PHACTR3: variants seen among roughly 807,000 people sequenced by gnomAD.
PHACTR3 encodes phosphatase and actin regulator 3, also known as protein phosphatase 1, regulatory subunit 123.
A neutral mutation model predicts 66.8 loss-of-function variants in PHACTR3; 16 were observed. The observed-to-expected ratio is 0.24, with a 90% CI of 0.16 to 0.36. The LOEUF is 0.36. Ranked by LOEUF, PHACTR3 falls within the 10% of genes least tolerant of loss-of-function variation. The probability of loss-of-function intolerance (pLI) is 1.00; values close to 1 mark genes in which losing one functional copy is unlikely to be tolerated. For missense variants in PHACTR3, 647 were observed against 719.9 expected (o/e 0.90, Z 1.16); for synonymous variants, 323 against 292.1 (o/e 1.11, Z -1.08).
intron 8 of PHACTR3, among the ~76,000 whole-genome samples, chr20:59,833,410 A>G (rs2042443300): frequency 6.6e-6 from 1 of 152,260 alleles, no homozygotes; most frequent in Non-Finnish European, 1.5e-5. Context: ...GGCAAGTCAC[A>G]GGTTGGGTTT....
intron 1 of PHACTR3, among the ~76,000 whole-genome samples, chr20:59,653,815 C>T (rs2035533151): frequency 1.3e-5 from 2 of 152,102 alleles, no homozygotes; most frequent in Non-Finnish European, 2.9e-5. Flanking sequence ...ATTCTTTGCT[C>T]TTAAAATATC....
rs139189993 is a variant in PHACTR3 at position 59,811,349 on chromosome 20, C to T, written c.1328+5155C>T. Among the ~76,000 whole-genome samples the T allele has an allele frequency of 1.9e-3, 296 of 152,342 alleles. 2 individuals are homozygous for T. Among genetic ancestry groups the T allele is most frequent in the African/African-American group, 6.4e-3 (266 of 41,572 alleles). On this transcript the variant is annotated intron_variant, in intron 8 of 12. Coordinates refer to ENST00000371015, the MANE Select transcript of PHACTR3 (RefSeq NM_080672.5). ...CAGGTGTCTCGGGCAAAGGACTTCA[C>T]ACTTGCTCTAAAGCAGTGCAGAATG...
intron 2 of PHACTR3, among the ~76,000 whole-genome samples, chr20:59,745,481 C>T (rs1306177747): frequency 1.3e-5 from 2 of 152,090 alleles, no homozygotes; most frequent in Non-Finnish European, 2.9e-5. Context: ...CCTTCAGGAC[C>T]GCCATTCGGG....
intron 7 of PHACTR3, among the ~76,000 whole-genome samples, chr20:59,777,130 C>T (rs2040566145): frequency 6.6e-6 from 1 of 152,200 alleles, no homozygotes; most frequent in Non-Finnish European, 1.5e-5. Context: ...GCCTGAGAAT[C>T]CCAGCCCTGC....
chr20:59,630,504 A>C (rs2034624127), intron 1 of PHACTR3, among the ~76,000 whole-genome samples: 1 of 152,234 alleles, frequency 6.6e-6, no homozygotes, highest in Admixed American at 6.5e-5. Flanking sequence ...TCATTAGAAA[A>C]ATATTGCATT....
intron 1 of PHACTR3, among the ~76,000 whole-genome samples, chr20:59,582,217 T>C (rs2032883393): frequency 6.6e-6 from 1 of 152,202 alleles, no homozygotes; most frequent in Non-Finnish European, 1.5e-5. Flanking sequence ...TTTAAAGAAA[T>C]GGCATCACAC....
At chr20:59,629,937 G>A (rs1348989538) in intron 1 of PHACTR3, among the ~76,000 whole-genome samples, 2 of 152,084 alleles carry the variant, frequency 1.3e-5, no homozygotes, top group Admixed American at 1.3e-4. Flanking sequence ...GGGGTTCTAG[G>A]CAGCCAAGGG....
At chr20:59,686,384 G>A (rs1271410983) in intron 1 of PHACTR3, among the ~76,000 whole-genome samples, 1 of 152,194 alleles carries the variant, frequency 6.6e-6, no homozygotes, top group African/African-American at 2.4e-5. Context: ...TAGAGTTGGA[G>A]GGAGGATTAA....
intron 8 of PHACTR3, among the ~76,000 whole-genome samples, chr20:59,807,891 C>T (rs1408618048): frequency 6.6e-6 from 1 of 152,198 alleles, no homozygotes; most frequent in Admixed American, 6.5e-5. Flanking sequence ...ACAATATGTG[C>T]ACCAAGTCCA....
In PHACTR3 at chr20:59,673,671, G is replaced by A. The variant is rs551247621; in HGVS notation, c.118+68539G>A. Among the ~76,000 whole-genome samples the A allele has an allele frequency of 1.6e-4, 24 of 152,286 alleles. 2 individuals are homozygous for A. Among genetic ancestry groups the A allele is most frequent in the Admixed American group, 7.2e-4 (11 of 15,308 alleles). On this transcript the variant is annotated intron_variant, in intron 1 of 12. Coordinates refer to ENST00000371015, the MANE Select transcript of PHACTR3 (RefSeq NM_080672.5). ...GGCCCCAGGATTCCGACTTGTACCC[G>A]GGCTTGCTTGGTGCTGTCTTGGGAC...
chr20:59,635,149 T>TTCTTTCC (rs1555881160), intron 1 of PHACTR3, among the ~76,000 whole-genome samples: 3,631 of 60,026 alleles, frequency 0.06, 173 homozygotes, highest in Middle Eastern at 0.13. Flanking sequence ...CTTTCTTTCT[T>TTCTTTCC]TTTCTTTCTT....
At chr20:59,634,390 A>G (rs1199914490) in intron 1 of PHACTR3, among the ~76,000 whole-genome samples, 2 of 152,220 alleles carry the variant, frequency 1.3e-5, no homozygotes, top group East Asian at 1.9e-4. Context: ...TGAAGATTCA[A>G]TGAGAAAATG....
At chr20:59,806,380 C>CGTGCATGCTCA (rs1379882498) in intron 8 of PHACTR3, among the ~76,000 whole-genome samples, 186 bp downstream of exon 8, 1 of 152,192 alleles carries the variant, frequency 6.6e-6, no homozygotes, top group Non-Finnish European at 1.5e-5. Context: ...GGGGCTGTCC[C>CGTGCATGCTCA]GTGCATGCTC....
chr20:59,776,160 A>G (rs2040528888), intron 7 of PHACTR3, among the ~76,000 whole-genome samples: 1 of 152,160 alleles, frequency 6.6e-6, no homozygotes, highest in South Asian at 2.1e-4. Context: ...GACATTGACA[A>G]TGTCAGCAGC....
intron 1 of PHACTR3, among the ~76,000 whole-genome samples, chr20:59,680,010 C>T (rs2036585041): frequency 6.6e-6 from 1 of 152,022 alleles, no homozygotes; most frequent in Non-Finnish European, 1.5e-5. Flanking sequence ...CCTTTATCTG[C>T]TTGTTCTTTC....
chr20:59,657,260 TGTGTG>T (rs1568681944), intron 1 of PHACTR3, among the ~76,000 whole-genome samples: 5 of 35,464 alleles, frequency 1.4e-4, no homozygotes, highest in African/African-American at 3.5e-4. Flanking sequence ...AAGTGTGTTG[TGTGTG>T]TGTGTGTGTG....
At chr20:59,774,889 CA>C (rs200704511) in intron 7 of PHACTR3, among the ~76,000 whole-genome samples, 22 of 149,532 alleles carry the variant, frequency 1.5e-4, no homozygotes, top group Non-Finnish European at 2.8e-4. Context: ...AAAACAAAAA[CA>C]AAAAAAAACT....
intron 1 of PHACTR3, among the ~76,000 whole-genome samples, chr20:59,674,491 TCCCCTTCTCCTGTTC>T (rs1258108174): frequency 4.9e-5 from 5 of 102,064 alleles, no homozygotes; most frequent in East Asian, 3.8e-4. Flanking sequence ...TTGTTCTCGT[TCCCCTTCTCCTGTTC>T]CCCCTTCTCC....
intron 3 of PHACTR3, among the ~76,000 whole-genome samples, chr20:59,750,563 G>A (rs2039541667): frequency 6.6e-6 from 1 of 152,192 alleles, no homozygotes; most frequent in Admixed American, 6.5e-5. Flanking sequence ...GGAGGAAGCA[G>A]GAAAGGGAGA....
Sources: allele counts gnomAD v4.1 joint callset (sites outside exome capture counted in the v4.1 genomes callset), GRCh38; gene constraint gnomAD v4.1.1; transcripts MANE v1.5; gene names NCBI Gene and HGNC (gene_info 2026-07-23, HGNC 2026-07-21).